Variants in LRRC34 observed in about 807,000 individuals in gnomAD.
LRRC34 encodes leucine-rich repeat-containing protein 34.
LRRC34 carries 44 observed loss-of-function variants against 48.5 expected under a neutral mutation model. That is an observed-to-expected ratio of 0.91 (90% CI 0.71 to 1.17). The LOEUF (loss-of-function observed/expected upper bound fraction) is 1.17. LRRC34 is among the 50% of genes most tolerant of loss of function. The pLI is 0.00. For synonymous variants in LRRC34, 192 were observed against 197.6 expected (o/e 0.97, Z 0.24); for missense variants, 502 against 563.0 (o/e 0.89, Z 1.10).
rs772592951 is a variant in LRRC34 at position 169,804,138 on chromosome 3, ATT to A, written c.570_571del (p.Lys190AsnfsTer2). On this transcript the variant is annotated frameshift_variant, in exon 6 of 11. Coordinates refer to ENST00000446859, the MANE Select transcript of LRRC34 (RefSeq NM_001172779.2). LOFTEE classifies it high-confidence loss of function. ...AAAAAACATTCCACCTTTATTTTCA[ATT>A]TTGTTTCCAGTCATTCTTAGGTATT... 6.2e-7 allele frequency: 1 copy of A among 1,605,240 alleles called. No individual in the cohort carries two copies. Among genetic ancestry groups the A allele is most frequent in the Admixed American group, 1.7e-5 (1 of 58,970 alleles).
At position 169,793,738 on chromosome 3, in the gene LRRC34, T is replaced by A; in HGVS notation, c.1292A>T (p.Asn431Ile). 6.2e-7 allele frequency: 1 copy of A among 1,613,784 alleles called. No homozygotes were observed. The highest frequency in any genetic ancestry group is 8.5e-7 in the Non-Finnish European group (1 of 1,179,776). The change falls in exon 11 of 11, where the codon AAT becomes ATT. Residue 431 changes from asparagine to isoleucine, a missense_variant. Transcript: ENST00000446859. The stretch of plus-strand genomic sequence containing the variant: ...CCAATAATAATGCTTTTTAAGGCCA[T>A]TGGAGACTTCTGCAAGATATACACG... ...DGRVYLAEVS[N>I]GLKKHYYWTS... is the part of the protein sequence containing the mutation.
At chr3:169,795,761 T>TA (rs1778963248) in intron 9 of LRRC34, 150 bp from the exon 10 acceptor site, 1 of 1,345,006 alleles carries the variant, frequency 7.4e-7, no homozygotes. Context: ...CCAAGAAACT[T>TA]AGTTTTCTAA....
At chr3:169,811,119 G>A (rs911528316) in intron 1 of LRRC34, among the ~76,000 whole-genome samples, 8 of 152,152 alleles carry the variant, frequency 5.3e-5, no homozygotes, top group African/African-American at 1.4e-4. Context: ...TCTAGAAAAT[G>A]CTGCTTTAGC....
Position 169,807,448 on chromosome 3 carries a change from T to C in LRRC34, c.422A>G (p.Tyr141Cys), listed in dbSNP as rs772032490. 1.2e-6 allele frequency: 2 copies of C among 1,613,974 alleles called. No individual in the cohort carries two copies. The highest frequency in any genetic ancestry group is 8.5e-7 in the Non-Finnish European group (1 of 1,179,940). ...TACCTGAAGCAGTTTCGCAGCATAG[T>C]ATGCACCAACATCACATAGAAGGTT... Reference protein sequence around the residue: ...GYNLLCDVGAYYAAKLLQKQL... With the variant: ...GYNLLCDVGACYAAKLLQKQL... The change falls in exon 4 of 11, where the codon TAC becomes TGC. Residue 141 changes from tyrosine to cysteine, a missense_variant. Coordinates refer to ENST00000446859, the MANE Select transcript of LRRC34 (RefSeq NM_001172779.2).
At chr3:169,802,288 C>T (rs1416982893) in intron 6 of LRRC34, among the ~76,000 whole-genome samples, 1 of 152,186 alleles carries the variant, frequency 6.6e-6, no homozygotes, top group Non-Finnish European at 1.5e-5. Flanking sequence ...ACCAAGAATG[C>T]TACCCATGCC....
At chr3:169,796,461 GT>G in intron 8 of LRRC34, 92 bp from the exon 9 acceptor site, 1 of 1,381,210 alleles carries the variant, frequency 7.2e-7, no homozygotes, top group Non-Finnish European at 9.8e-7. Flanking sequence ...AGTACTTTCT[GT>G]TTTAGTAAAG....
At chr3:169,809,958 C>CTT (rs11344572) in intron 1 of LRRC34, among the ~76,000 whole-genome samples, 25 of 138,276 alleles carry the variant, frequency 1.8e-4, no homozygotes, top group African/African-American at 5.9e-4. Context: ...TTGGAAATTT[C>CTT]TTTTTTTTTT....
chr3:169,798,176 G>A (rs983689436), intron 7 of LRRC34, among the ~76,000 whole-genome samples: 7 of 152,170 alleles, frequency 4.6e-5, no homozygotes, highest in Admixed American at 2.6e-4. Context: ...AGGCACAGAG[G>A]ACAAACTCAG....
At chr3:169,809,464 A>T (rs1779489268) in intron 1 of LRRC34, among the ~76,000 whole-genome samples, 1 of 152,108 alleles carries the variant, frequency 6.6e-6, no homozygotes, top group Non-Finnish European at 1.5e-5. Flanking sequence ...TCTAAAGGTG[A>T]CTTTTCCCTA....
chr3:169,796,280 C>G lies in LRRC34; in HGVS notation c.998G>C (p.Arg333Thr), dbSNP rs202031258. 1.3e-4 allele frequency: 205 copies of G among 1,612,282 alleles called. No homozygotes were observed. The highest frequency in any genetic ancestry group is 1.6e-4 in the Non-Finnish European group (193 of 1,179,400). The change falls in exon 9 of 11, where the codon AGA becomes ACA. Residue 333 changes from arginine to threonine, a missense_variant. Coordinates refer to ENST00000446859, the MANE Select transcript of LRRC34 (RefSeq NM_001172779.2). ...TLEVIDLSFN[R>T]IENAGANYLS... ...ATAGTTTGCGCCTGCATTTTCTATT[C>G]TGTTAAAGGAAAGATCTATTACTTC...
Position 169,807,718 on chromosome 3 carries a change from A to AG in LRRC34, c.258-10_258-9insC. ...TGATTCCTGCTGCTAGCCTGTTAAA[A>AG]TACAAAAAAAAAAAAAAAAAAAAAA... On this transcript the variant is annotated splice_polypyrimidine_tract_variant and intron_variant, in intron 2 of 10. Coordinates refer to ENST00000446859, the MANE Select transcript of LRRC34 (RefSeq NM_001172779.2). The AG allele has an allele frequency of 6.7e-7, 1 of 1,487,202 alleles. No individual in the cohort carries two copies. The allele number at this position is 1,487,202 out of a possible 1,614,324, so 92.1% of individuals were successfully genotyped here. A position where few individuals can be genotyped will look rare whatever the true frequency, so the allele number is the denominator to read the frequency against.
chr3:169,812,429 C>G lies in LRRC34; in HGVS notation c.120G>C (p.Ala40=), dbSNP rs1779623211. 6.5e-7 allele frequency: 1 copy of G among 1,529,294 alleles called. No homozygotes were observed. Among genetic ancestry groups the G allele is most frequent in the Non-Finnish European group, 8.7e-7 (1 of 1,144,736 alleles). The allele number at this position is 1,529,294 out of a possible 1,614,324, so 94.7% of individuals were successfully genotyped here. A position where few individuals can be genotyped will look rare whatever the true frequency, so the allele number is the denominator to read the frequency against. ...WASTQASTPG[A]ALAVQRESPE... Reference sequence around the variant, plus strand: ...TCTTACCGCGCTGGACCGCCAGGGCCGCGCCCGGAGTACTGGCCTGAGTGG... The same window carrying G: ...TCTTACCGCGCTGGACCGCCAGGGCGGCGCCCGGAGTACTGGCCTGAGTGG... The change falls in exon 1 of 11, where the codon GCG becomes GCC. Residue 40 remains alanine, a synonymous_variant. Coordinates refer to ENST00000446859, the MANE Select transcript of LRRC34 (RefSeq NM_001172779.2). The surrounding 1 kb of genome is among the most constrained non-coding windows in gnomAD (Gnocchi z 4.3).
At chr3:169,808,855 G>A in intron 1 of LRRC34, 110 bp from the exon 2 acceptor site, 2 of 612,262 alleles carry the variant, frequency 3.3e-6, no homozygotes, top group South Asian at 1.9e-5. Context: ...GTATAGTGGG[G>A]GTAGGGAAGA....
At position 169,812,344 on chromosome 3, in the gene LRRC34, C is replaced by G. The variant is rs945131596; in HGVS notation, c.139+66G>C. On this transcript the variant is annotated intron_variant, in intron 1 of 10. Transcript: ENST00000446859. This position sits in a 1 kb window ranked among gnomAD's most constrained non-coding sequence, Gnocchi z 4.3. ...GGCTGCTGGGAGGACTCCTGCCGTGCGACCCCGGCGCCCCTCGCGCGTTTT... is the reference window on the plus strand; with the variant it reads ...GGCTGCTGGGAGGACTCCTGCCGTGGGACCCCGGCGCCCCTCGCGCGTTTT... The G allele has an allele frequency of 1.2e-5, 18 of 1,462,650 alleles. No homozygotes were observed. Among genetic ancestry groups the G allele is most frequent in the Non-Finnish European group, 1.6e-5 (18 of 1,112,452 alleles). The allele number at this position is 1,462,650 out of a possible 1,614,324, so 90.6% of individuals were successfully genotyped here.
intron 10 of LRRC34, chr3:169,794,205 G>C (rs576197253): frequency 5.6e-6 from 1 of 179,260 alleles, no homozygotes; most frequent in Non-Finnish European, 1.2e-5. Context: ...AGGGGGGCTC[G>C]GTAGGAGGCC....
At chr3:169,794,005 T>C (rs1414514184) in intron 10 of LRRC34, 167 bp from the exon 11 acceptor site, 5 of 526,346 alleles carry the variant, frequency 9.5e-6, no homozygotes, top group Admixed American at 3.7e-5. Flanking sequence ...TGTAAATAGA[T>C]TTTTATTCAT....
chr3:169,796,187 T>G, intron 9 of LRRC34, 27 bp downstream of exon 9: 2 of 1,559,568 alleles, frequency 1.3e-6, no homozygotes, highest in Non-Finnish European at 1.7e-6. Flanking sequence ...TTTCTGTTAT[T>G]TTGATTAAAT....
In LRRC34 at chr3:169,806,919, G is replaced by A; in HGVS notation, c.457C>T (p.Leu153Phe). The change falls in exon 5 of 11, where the codon CTC becomes TTC. Residue 153 changes from leucine (L) to phenylalanine (F), a missense_variant. Physicochemically the swap from Leu to Phe is conservative, Grantham distance 22 (BLOSUM62 0). Coordinates refer to ENST00000446859, the MANE Select transcript of LRRC34 (RefSeq NM_001172779.2). ...TTAAACATGAGGTTTAAGTAAATGA[G>A]ATTAAGTTGTTTCTATAAGAGAAAA... ...AAKLLQKQLN[L>F]IYLNLMFNDI... 5.0e-6 allele frequency: 8 copies of A among 1,597,544 alleles called. No individual in the cohort carries two copies. Among genetic ancestry groups the A allele is most frequent in the Non-Finnish European group, 6.8e-6 (8 of 1,168,000 alleles).
chr3:169,806,179 G>C (rs1779365153), intron 5 of LRRC34, among the ~76,000 whole-genome samples: 1 of 152,076 alleles, frequency 6.6e-6, no homozygotes, highest in Non-Finnish European at 1.5e-5. Flanking sequence ...AGTTCAATGG[G>C]AGAAAGAATA....
Sources: allele counts gnomAD v4.1 joint callset (sites outside exome capture counted in the v4.1 genomes callset), GRCh38; gene constraint gnomAD v4.1.1; non-coding constraint Gnocchi (gnomAD v3.1); transcripts MANE v1.5; gene names NCBI Gene and HGNC (gene_info 2026-07-23, HGNC 2026-07-21).